Variants in EOGT observed in about 807,000 individuals in gnomAD.
The protein encoded by EOGT is EGF domain-specific O-linked N-acetylglucosamine transferase.
Under a neutral mutation model 70.5 loss-of-function variants are expected in EOGT, and 55 were observed. The ratio of observed to expected loss-of-function variants is 0.78; its 90% confidence interval spans 0.63 to 0.98. The LOEUF (loss-of-function observed/expected upper bound fraction) is 0.98. EOGT is among the 50% of genes least tolerant of loss of function. The pLI is 0.00. For missense variants in EOGT, 703 were observed against 641.9 expected (o/e 1.10, Z -1.03); for synonymous variants, 246 against 217.1 (o/e 1.13, Z -1.17).
chr3:68,994,034 C>A (rs1559600232), intron 10 of EOGT, among the ~76,000 whole-genome samples: 1 of 152,104 alleles, frequency 6.6e-6, no homozygotes, highest in Non-Finnish European at 1.5e-5. Flanking sequence ...TATCAAGGAC[C>A]AATCTGGGTA....
chr3:69,007,505 AGCGGGG>A (rs1446453731), intron 6 of EOGT, among the ~76,000 whole-genome samples: 1 of 22,076 alleles, frequency 4.5e-5, no homozygotes, highest in African/African-American at 1.6e-4. Context: ...TATAAAAATT[AGCGGGG>A]GGGGGTGGCA....
At chr3:68,977,826 A>C in intron 17 of EOGT, 62 bp from the exon 18 acceptor site, 1 of 1,515,484 alleles carries the variant, frequency 6.6e-7, no homozygotes, top group Non-Finnish European at 8.9e-7. Flanking sequence ...TCTCTACAGC[A>C]GGAAAATTAT....
At chr3:68,998,756 G>C (rs968971601) in intron 9 of EOGT, among the ~76,000 whole-genome samples, 5 of 148,334 alleles carry the variant, frequency 3.4e-5, no homozygotes, top group African/African-American at 7.5e-5. Flanking sequence ...GAATTTGCTT[G>C]AACCTGGGAG....
chr3:68,989,584 C>T (rs1326455855), intron 10 of EOGT, among the ~76,000 whole-genome samples: 2 of 151,752 alleles, frequency 1.3e-5, no homozygotes, highest in Non-Finnish European at 2.9e-5. Context: ...CCCATCTCTA[C>T]TAAAAATACA....
intron 11 of EOGT, 169 bp downstream of exon 11, chr3:68,988,756 T>C: frequency 1.6e-6 from 1 of 644,932 alleles, no homozygotes; most frequent in South Asian, 2.3e-5. Context: ...AAAAAACTTT[T>C]CAAAGGCTGC....
At chr3:68,977,819 C>G in intron 17 of EOGT, 55 bp from the exon 18 acceptor site, 1 of 1,532,458 alleles carries the variant, frequency 6.5e-7, no homozygotes, top group Non-Finnish European at 8.8e-7. Flanking sequence ...ATGGTTTTCT[C>G]TACAGCAGGA....
intron 16 of EOGT, among the ~76,000 whole-genome samples, chr3:68,979,361 A>G (rs2090565957): frequency 6.6e-6 from 1 of 152,226 alleles, no homozygotes; most frequent in Non-Finnish European, 1.5e-5. Flanking sequence ...ACTGTTTGCA[A>G]GAAGACGCTC....
At chr3:69,000,138 A>C (rs2091258697) in intron 9 of EOGT, among the ~76,000 whole-genome samples, 1 of 152,188 alleles carries the variant, frequency 6.6e-6, no homozygotes, top group Non-Finnish European at 1.5e-5. Flanking sequence ...AGGTGGGAGA[A>C]TCACTTGAGC....
chr3:68,982,268 G>A (rs781214659), intron 15 of EOGT, among the ~76,000 whole-genome samples: 12 of 151,994 alleles, frequency 7.9e-5, no homozygotes, highest in Non-Finnish European at 1.5e-4. Flanking sequence ...GCCTTTAATT[G>A]CAGCACTTTG....
Position 69,009,794 on chromosome 3 carries a change from CCACT to C in EOGT, c.49_52del (p.Ser17ValfsTer56). Reference sequence around the variant, plus strand: ...AGTATTAGGAGGAGCTTCATTCTGACCACTCAGTGAGACTTCATGAAGTAAGACT... The same window carrying C: ...AGTATTAGGAGGAGCTTCATTCTGACCAGTGAGACTTCATGAAGTAAGACT... On this transcript the variant is annotated frameshift_variant, in exon 4 of 18. Coordinates refer to ENST00000383701, the MANE Select transcript of EOGT (RefSeq NM_001278689.2). LOFTEE classifies it high-confidence loss of function. 1.2e-6 allele frequency: 2 copies of C among 1,613,954 alleles called. No homozygotes were observed. Among genetic ancestry groups the C allele is most frequent in the Non-Finnish European group, 8.5e-7 (1 of 1,179,986 alleles).
intron 8 of EOGT, among the ~76,000 whole-genome samples, chr3:69,003,965 T>G (rs1413538431): frequency 1.3e-5 from 2 of 152,240 alleles, no homozygotes; most frequent in Admixed American, 6.5e-5. Flanking sequence ...CTTGAACTCC[T>G]GGGCTCAAGT....
chr3:68,997,520 C>A (rs927677397), intron 10 of EOGT, among the ~76,000 whole-genome samples: 2 of 152,066 alleles, frequency 1.3e-5, no homozygotes, highest in Non-Finnish European at 1.5e-5. Flanking sequence ...ATGTGTCTGC[C>A]ACCGTATCTG....
At chr3:68,982,774 A>G (rs2090686430) in intron 15 of EOGT, 37 bp downstream of exon 15, 1 of 1,536,134 alleles carries the variant, frequency 6.5e-7, no homozygotes, top group African/African-American at 1.4e-5. Context: ...ATCCAAGCAA[A>G]AGTTGACAGT....
chr3:68,987,296 T>G (rs2090838715), intron 14 of EOGT, 149 bp downstream of exon 14: 1 of 665,798 alleles, frequency 1.5e-6, no homozygotes, highest in Non-Finnish European at 2.6e-6. Flanking sequence ...GAAATTCAAA[T>G]CTAATAAATA....
chr3:69,008,401 A>C, intron 5 of EOGT, 27 bp downstream of exon 5: 1 of 1,494,150 alleles, frequency 6.7e-7, no homozygotes, highest in Non-Finnish European at 9.3e-7. Flanking sequence ...GGAAGACTTG[A>C]AGAGGGTATT....
intron 4 of EOGT, 36 bp from the exon 5 acceptor site, chr3:69,008,564 T>TCTAAATGTCAGAAGAAG: frequency 6.8e-7 from 1 of 1,474,690 alleles, no homozygotes; most frequent in Non-Finnish European, 9.5e-7. Context: ...TCCCTTCTTC[T>TCTAAATGTCAGAAGAAG]GACATTTAGA....
chr3:68,985,392 G>A (rs1379042074), intron 14 of EOGT, among the ~76,000 whole-genome samples: 1 of 152,068 alleles, frequency 6.6e-6, no homozygotes, highest in Non-Finnish European at 1.5e-5. Flanking sequence ...ATTCGGATCA[G>A]CCTGTTAGGC....
chr3:69,001,515 C>T (rs1313847330), intron 9 of EOGT, 93 bp downstream of exon 9: 8 of 794,892 alleles, frequency 1.0e-5, no homozygotes, highest in Non-Finnish European at 1.6e-5. Context: ...TGTCATACTG[C>T]TTCCAAAAAA....
chr3:69,007,538 G>A lies in EOGT; in HGVS notation c.420+175C>T, dbSNP rs549301956. ...GGGGTGGCACGCGCCTGTAATCCAA[G>A]CTACTCAGGAGGCTGAAGCAGGAGA... On this transcript the variant is annotated intron_variant, in intron 6 of 17. Transcript: ENST00000383701. Among the ~76,000 whole-genome samples the A allele has an allele frequency of 9.8e-4, 131 of 133,026 alleles. 3 individuals carry two copies. The South Asian group carries it at 0.03, about 30-fold the overall frequency. The allele number at this position is 133,026 out of a possible 152,430, so 87.3% of individuals were successfully genotyped here.
Sources: allele counts gnomAD v4.1 joint callset (sites outside exome capture counted in the v4.1 genomes callset), GRCh38; gene constraint gnomAD v4.1.1; transcripts MANE v1.5; gene names NCBI Gene and HGNC (gene_info 2026-07-23, HGNC 2026-07-21).